The following PCDHA5 variants were observed in gnomAD, a reference collection of about 807,000 sequenced individuals.
PCDHA5 encodes protocadherin alpha 5.
PCDHA5 carries 43 observed loss-of-function variants against 61.6 expected under a neutral mutation model. That is an observed-to-expected ratio of 0.70 (90% CI 0.55 to 0.90). The LOEUF is 0.90. Ranked by LOEUF, PCDHA5 falls within the 40% of genes least tolerant of loss-of-function variation. The probability of loss-of-function intolerance (pLI) is 0.00; values close to 1 mark genes in which losing one functional copy is unlikely to be tolerated. For synonymous variants in PCDHA5, 627 were observed against 543.9 expected, an observed-to-expected ratio of 1.15 and a Z score of -2.13; for missense variants, 1,298 against 1,222.7, an observed-to-expected ratio of 1.06 and a Z score of -0.92.
chr5:141,000,468 C>T (rs2097940295), intron 3 of PCDHA5, among the ~76,000 whole-genome samples: 1 of 107,380 alleles, frequency 9.3e-6, no homozygotes, highest in Non-Finnish European at 1.8e-5. Context: ...GCTCTTGTTG[C>T]CCAAGCTGGA....
chr5:140,937,229 G>A (rs2091424119), intron 1 of PCDHA5, among the ~76,000 whole-genome samples: 1 of 151,784 alleles, frequency 6.6e-6, no homozygotes, highest in Non-Finnish European at 1.5e-5. Flanking sequence ...TGTAGAGACG[G>A]GGTTTCACCG....
At chr5:140,864,838 A>C (rs868993134) in intron 1 of PCDHA5, 5 of 152,252 alleles carry the variant, frequency 3.3e-5, no homozygotes, top group Admixed American at 1.3e-4. Flanking sequence ...AGTATAAGAG[A>C]GTCTTCCCAT....
Position 140,874,495 on chromosome 5 carries a change from G to A in PCDHA5, c.2352+50368G>A, listed in dbSNP as rs532074473. 2.0e-5 allele frequency among the ~76,000 whole-genome samples: 3 copies of A among 152,336 alleles called. No homozygotes were observed. The South Asian group carries it at 6.2e-4, about 32-fold the overall frequency. ...AGAAAAAGCAAAAGGTTGATATCAAGTTCACATTCTCTTGACTTTAGTCAA... is the reference window on the plus strand; with the variant it reads ...AGAAAAAGCAAAAGGTTGATATCAAATTCACATTCTCTTGACTTTAGTCAA... On this transcript the variant is annotated intron_variant, in intron 1 of 3. Coordinates refer to ENST00000529859, the MANE Select transcript of PCDHA5 (RefSeq NM_018908.3).
intron 1 of PCDHA5, chr5:140,836,292 C>A (rs1774344523): frequency 6.2e-7 from 1 of 1,613,662 alleles, no homozygotes; most frequent in South Asian, 1.1e-5. Context: ...GACACGAGCC[C>A]TAGATGAGAC....
chr5:140,928,889 A>T, intron 1 of PCDHA5: 2 of 1,614,118 alleles, frequency 1.2e-6, no homozygotes, highest in Non-Finnish European at 1.7e-6. Flanking sequence ...TTACTTCCAG[A>T]CTTTGAAGAT....
Position 140,872,661 on chromosome 5 carries a change from T to G in PCDHA5, c.2352+48534T>G, listed in dbSNP as rs544432969. Among the ~76,000 whole-genome samples the G allele has an allele frequency of 2.0e-5, 3 of 152,284 alleles. No individual in the cohort carries two copies. In the East Asian group the frequency reaches 5.8e-4, roughly 29 times the overall value. ...ATGAAAAGGCAAGAGATTTGTCAAC[T>G]ATTGGATACTCAAACAAAATGGCAT... On this transcript the variant is annotated intron_variant, in intron 1 of 3. Transcript: ENST00000529859.
chr5:140,861,631 C>T, intron 1 of PCDHA5: 1 of 315,060 alleles, frequency 3.2e-6, no homozygotes, highest in Non-Finnish European at 6.4e-6. Flanking sequence ...GTGTTCTCAG[C>T]AACACAAAAG....
chr5:140,902,650 G>C (rs868917041), intron 1 of PCDHA5, among the ~76,000 whole-genome samples: 5 of 152,138 alleles, frequency 3.3e-5, no homozygotes, highest in Admixed American at 1.3e-4. Context: ...AGATTTTGGT[G>C]CACCTGTCAC....
intron 1 of PCDHA5, among the ~76,000 whole-genome samples, chr5:140,889,913 T>C (rs1287325026): frequency 6.6e-6 from 1 of 152,172 alleles, no homozygotes; most frequent in Admixed American, 6.5e-5. Context: ...ATTGTCATAC[T>C]GTAAAGAAGC....
At chr5:140,952,410 T>C (rs2094741343) in intron 1 of PCDHA5, among the ~76,000 whole-genome samples, 1 of 151,978 alleles carries the variant, frequency 6.6e-6, no homozygotes, top group Non-Finnish European at 1.5e-5. Flanking sequence ...TCAAATTTAA[T>C]GTTCCGCAGA....
At chr5:140,958,367 T>C (rs1029042656) in intron 1 of PCDHA5, among the ~76,000 whole-genome samples, 2 of 152,166 alleles carry the variant, frequency 1.3e-5, no homozygotes, top group Admixed American at 6.5e-5. Context: ...TTATCAGGAA[T>C]GTTGCTATTT....
chr5:140,891,569 CAT>C (rs59481749), intron 1 of PCDHA5, among the ~76,000 whole-genome samples: 3,590 of 152,218 alleles, frequency 0.024, 138 homozygotes, highest in African/African-American at 0.082. Flanking sequence ...TCTAATTAAA[CAT>C]ATTTTAATCT....
At chr5:140,882,482 G>C (rs200256955) in intron 1 of PCDHA5, 38 of 1,613,930 alleles carry the variant, frequency 2.4e-5, no homozygotes, top group Admixed American at 8.3e-5. Flanking sequence ...CAAAAGACAC[G>C]GGGACCTTCT....
At position 140,822,516 on chromosome 5, in the gene PCDHA5, T is replaced by G; in HGVS notation, c.741T>G (p.Asn247Lys). The G allele has an allele frequency of 6.2e-7, 1 of 1,613,966 alleles. No homozygotes were observed. The highest frequency in any genetic ancestry group is 8.5e-7 in the Non-Finnish European group (1 of 1,180,006). Residue 247 changes from asparagine to lysine, a missense_variant, in exon 1 of 4, where the codon AAT becomes AAG. Transcript: ENST00000529859. Reference sequence around the variant, plus strand: ...CAGAATTTGATAAATCCATTTATAATGTCAGATTGTTGGAAAATGCACCAA... The same window carrying G: ...CAGAATTTGATAAATCCATTTATAAGGTCAGATTGTTGGAAAATGCACCAA... The part of the protein sequence containing the change: ...NAPEFDKSIY[N>K]VRLLENAPSG...
At chr5:140,895,115 T>C (rs2064854715) in intron 1 of PCDHA5, among the ~76,000 whole-genome samples, 1 of 152,182 alleles carries the variant, frequency 6.6e-6, no homozygotes, top group Non-Finnish European at 1.5e-5. Flanking sequence ...CAAGAAGACA[T>C]TTGTTAGTTG....
rs147149527 is a variant in PCDHA5 at position 140,842,554 on chromosome 5, C to T, written c.2352+18427C>T. The T allele has an allele frequency of 1.0e-3, 1,636 of 1,596,230 alleles. 137 individuals carry two copies. The highest frequency in any genetic ancestry group is 3.5e-3 in the South Asian group (317 of 90,526). On this transcript the variant is annotated intron_variant, in intron 1 of 3. Transcript: ENST00000529859. Reference sequence around the variant, plus strand: ...ATTACTACTCGTTGGTGCTGGACAGCGCCCTGGACCGCGAGAGAGTGTCGG... The same window carrying T: ...ATTACTACTCGTTGGTGCTGGACAGTGCCCTGGACCGCGAGAGAGTGTCGG...
At chr5:140,991,740 GCT>G (rs1175946938) in intron 3 of PCDHA5, among the ~76,000 whole-genome samples, 3 of 152,200 alleles carry the variant, frequency 2.0e-5, no homozygotes, top group African/African-American at 7.2e-5. Context: ...GGTAATGTAG[GCT>G]CTTTCTATCA....
intron 1 of PCDHA5, chr5:140,869,471 T>C (rs1554163114): frequency 6.2e-7 from 1 of 1,613,696 alleles, no homozygotes; most frequent in South Asian, 1.1e-5. Flanking sequence ...AACGTGGAGG[T>C]GAAGGACATT....
intron 1 of PCDHA5, chr5:140,860,473 G>A (rs534132649): frequency 6.6e-6 from 1 of 152,258 alleles, no homozygotes; most frequent in South Asian, 2.1e-4. Flanking sequence ...AGTTGGTGCA[G>A]TAGTACTTTA....
Sources: gnomAD v4.1 joint callset for allele counts (sites outside exome capture counted in the v4.1 genomes callset) on GRCh38, gnomAD v4.1.1 for gene constraint, MANE v1.5 for transcripts, NCBI Gene and HGNC (gene_info 2026-07-23, HGNC 2026-07-21) for gene names.